The following ZNF469 variants were observed in gnomAD, a reference collection of about 807,000 sequenced individuals.
ZNF469 encodes zinc finger protein 469.
In ZNF469, 1 loss-of-function variant was observed where a neutral mutation model predicts 1.0. The observed-to-expected ratio is 1.00, with a 90% CI of 0.35 to 4.73. The LOEUF (loss-of-function observed/expected upper bound fraction) is 4.73, where lower values mean the gene tolerates loss of function less well. Ranked by LOEUF, ZNF469 falls within the 30% of genes most tolerant of loss-of-function variation. ZNF469 has a pLI of 0.16. For missense variants in ZNF469, 6,100 were observed against 5,356.3 expected (o/e 1.14, Z -4.33); for synonymous variants, 2,703 against 2,363.4 (o/e 1.14, Z -4.17).
the ZNF469 span, among the ~76,000 whole-genome samples, chr16:88,350,794 G>A: frequency 6.6e-6 from 1 of 152,320 alleles, no homozygotes; most frequent in East Asian, 1.9e-4. Flanking sequence ...GAAGGCAGAG[G>A]ACCCTGAGCC....
the ZNF469 span, among the ~76,000 whole-genome samples, chr16:88,223,923 C>G: frequency 2.6e-5 from 4 of 152,216 alleles, no homozygotes. Flanking sequence ...GCCCTGGGGG[C>G]CCCCATGAAC....
the ZNF469 span, among the ~76,000 whole-genome samples, chr16:88,186,652 G>T: frequency 6.6e-6 from 1 of 152,178 alleles, no homozygotes; most frequent in African/African-American, 2.4e-5. Flanking sequence ...CACCTCCCCC[G>T]GCAGAGGATC....
chr16:88,263,515 G>A, the ZNF469 span, among the ~76,000 whole-genome samples: 1 of 152,216 alleles, frequency 6.6e-6, no homozygotes, highest in East Asian at 1.9e-4. Flanking sequence ...GGAGGGGCAG[G>A]CGTGTGGGCC....
chr16:88,202,124 G>A, the ZNF469 span, among the ~76,000 whole-genome samples: 2 of 152,030 alleles, frequency 1.3e-5, no homozygotes, highest in South Asian at 2.1e-4. Flanking sequence ...CAGGTTCAGC[G>A]TCTGTGGTGT....
chr16:88,183,641 G>A, the ZNF469 span, among the ~76,000 whole-genome samples: 1 of 152,190 alleles, frequency 6.6e-6, no homozygotes, highest in Admixed American at 6.5e-5. Flanking sequence ...GACTGCAGAG[G>A]GGCAAAATGT....
chr16:88,436,334 C>T lies in ZNF469; in HGVS notation c.8864C>T (p.Ala2955Val), dbSNP rs980421891. ...AGGGTGCCTGGCATTGACCCCTGGGCCCCCGGCCTCAGCCTGTGGGCCCTG... is the reference window on the plus strand; with the variant it reads ...AGGGTGCCTGGCATTGACCCCTGGGTCCCCGGCCTCAGCCTGTGGGCCCTG... ...NSRVPGIDPW[A>V]PGLSLWALEP... The change falls in exon 3 of 3, where the codon GCC becomes GTC. Residue 2955 changes from alanine (A) to valine (V), a missense_variant. Coordinates refer to ENST00000565624, the MANE Select transcript of ZNF469 (RefSeq NM_001367624.2). 3.9e-6 allele frequency: 6 copies of T among 1,549,322 alleles called. No individual in the cohort carries two copies. The African/African-American group carries it at 4.1e-5, about 11-fold the overall frequency.
the ZNF469 span, among the ~76,000 whole-genome samples, chr16:88,192,972 AGTGATGGTGGTG>A: frequency 7.1e-5 from 3 of 42,488 alleles, no homozygotes; most frequent in Admixed American, 2.2e-4. Flanking sequence ...TGGTGATGGT[AGTGATGGTGGTG>A]GTGATGGTGG....
the ZNF469 span, among the ~76,000 whole-genome samples, chr16:88,140,526 G>A: frequency 2.0e-5 from 3 of 152,212 alleles, no homozygotes; most frequent in African/African-American, 4.8e-5. Context: ...TGAGAGACGC[G>A]ATGTTCAAAG....
chr16:88,277,179 C>A, the ZNF469 span, among the ~76,000 whole-genome samples: 1 of 150,826 alleles, frequency 6.6e-6, no homozygotes, highest in Non-Finnish European at 1.5e-5. Flanking sequence ...ACCACACCGA[C>A]GCTCAGTCAG....
At chr16:88,395,053 G>A (rs981051609) in intron 1 of ZNF469, among the ~76,000 whole-genome samples, 12 of 152,294 alleles carry the variant, frequency 7.9e-5, no homozygotes, top group African/African-American at 2.9e-4. Flanking sequence ...TGGCTCACGT[G>A]CCCCCCGCCG....
chr16:88,169,129 G>A, the ZNF469 span, among the ~76,000 whole-genome samples: 1 of 152,154 alleles, frequency 6.6e-6, no homozygotes, highest in African/African-American at 2.4e-5. The surrounding 1 kb of genome is among the most constrained non-coding windows in gnomAD (Gnocchi z 6.1). Context: ...CAGCTGTGAA[G>A]AGGGTGGGGT....
chr16:88,365,124 A>G, the ZNF469 span, among the ~76,000 whole-genome samples: 1 of 152,282 alleles, frequency 6.6e-6, no homozygotes, highest in Admixed American at 6.5e-5. Context: ...TTATTTTGGG[A>G]TCCATGAGTC....
the ZNF469 span, among the ~76,000 whole-genome samples, chr16:88,257,403 A>C: frequency 6.6e-6 from 1 of 152,072 alleles, no homozygotes; most frequent in Non-Finnish European, 1.5e-5. Flanking sequence ...TATATTTTGG[A>C]TAACAAGCCT....
the ZNF469 span, among the ~76,000 whole-genome samples, chr16:88,112,772 C>CTTTTTTTTTT: frequency 2.9e-4 from 21 of 73,484 alleles, no homozygotes; most frequent in Non-Finnish European, 3.0e-4. Flanking sequence ...TGTGCAGAAG[C>CTTTTTTTTTT]TTTTTTTTTT....
chr16:88,273,304 A>G, the ZNF469 span, among the ~76,000 whole-genome samples: 1 of 151,846 alleles, frequency 6.6e-6, no homozygotes. Flanking sequence ...CCTCACAACC[A>G]CATTACTCTG....
At chr16:88,320,529 G>A in the ZNF469 span, among the ~76,000 whole-genome samples, 1 of 152,076 alleles carries the variant, frequency 6.6e-6, no homozygotes, top group Non-Finnish European at 1.5e-5. Context: ...GATTACAGGC[G>A]CCCACCACCA....
the ZNF469 span, among the ~76,000 whole-genome samples, chr16:88,140,110 T>A: frequency 2.0e-5 from 3 of 152,134 alleles, no homozygotes; most frequent in African/African-American, 7.2e-5. Context: ...CTAAAATTAT[T>A]TAATACAAAA....
At chr16:88,359,860 C>A in the ZNF469 span, among the ~76,000 whole-genome samples, 8 of 152,158 alleles carry the variant, frequency 5.3e-5, no homozygotes, top group Non-Finnish European at 8.8e-5. Flanking sequence ...TTGAATAGAC[C>A]TTATCATGTC....
At chr16:88,379,897 G>C (rs1462455871), upstream of ZNF469, among the ~76,000 whole-genome samples, 1 of 152,198 alleles carries the variant, frequency 6.6e-6, no homozygotes, top group Non-Finnish European at 1.5e-5. Flanking sequence ...CACAGTGACT[G>C]GCCCGGAGTG....
Sources: gnomAD v4.1 joint callset for allele counts (sites outside exome capture counted in the v4.1 genomes callset) on GRCh38, gnomAD v4.1.1 for gene constraint, Gnocchi (gnomAD v3.1) non-coding constraint, MANE v1.5 for transcripts, NCBI Gene and HGNC (gene_info 2026-07-23, HGNC 2026-07-21) for gene names.